Variants in SHOC1 observed in about 807,000 individuals in gnomAD.
The protein encoded by SHOC1 is shortage in chiasmata 1.
A neutral mutation model predicts 179.2 loss-of-function variants in SHOC1; 136 were observed. That is an observed-to-expected ratio of 0.76 (90% CI 0.66 to 0.87). SHOC1 has a LOEUF of 0.87. Among genes scored for constraint, SHOC1 ranks in the 40% least tolerant of loss-of-function variants. SHOC1 has a pLI of 0.00. For missense variants in SHOC1, 1,538 were observed against 1,700.8 expected (o/e 0.90, Z 1.68); for synonymous variants, 489 against 586.6 (o/e 0.83, Z 2.41).
intron 12 of SHOC1, among the ~76,000 whole-genome samples, chr9:111,733,217 C>A (rs1379322945): frequency 1.3e-5 from 2 of 152,118 alleles, no homozygotes; most frequent in Non-Finnish European, 2.9e-5. Flanking sequence ...AAATGTATGG[C>A]TATGGCTTAA....
intron 8 of SHOC1, among the ~76,000 whole-genome samples, chr9:111,749,923 A>G (rs992160592): frequency 3.9e-5 from 6 of 152,150 alleles, no homozygotes; most frequent in Non-Finnish European, 8.8e-5. Context: ...CCAGTCTATC[A>G]TTGATGGGCA....
chr9:111,704,809 T>C (rs1338276096), intron 21 of SHOC1, among the ~76,000 whole-genome samples: 3 of 152,166 alleles, frequency 2.0e-5, no homozygotes, highest in African/African-American at 7.2e-5. Context: ...TTCACGGTCC[T>C]GTTTCCCAGG....
Position 111,723,868 on chromosome 9 carries a change from A to C in SHOC1, c.1878T>G (p.Ile626Met), listed in dbSNP as rs543204449. ...CCTCCAGGGTTTTATTAATATGAAC[A>C]ATAGGACTTTCTTCTTGAAGTGTCA... is the stretch of plus-strand genomic sequence containing the variant. ...CSLTLQEESP[I>M]VHINKTLEEI... is the part of the protein sequence containing the mutation. Residue 626 changes from isoleucine to methionine, a missense_variant, in exon 14 of 28, where the codon ATT becomes ATG. Transcript: ENST00000682961. 8.8e-6 allele frequency: 14 copies of C among 1,586,958 alleles called. No individual in the cohort carries two copies. In the African/African-American group the frequency reaches 1.9e-4, roughly 21 times the overall value.
At chr9:111,765,010 G>A (rs914606966) in intron 5 of SHOC1, among the ~76,000 whole-genome samples, 8 of 151,916 alleles carry the variant, frequency 5.3e-5, no homozygotes, top group African/African-American at 1.5e-4. Flanking sequence ...ACATGGTGGC[G>A]CATGCCTATA....
intron 3 of SHOC1, among the ~76,000 whole-genome samples, 186 bp downstream of exon 3, chr9:111,785,726 C>T (rs1836238740): frequency 6.6e-6 from 1 of 152,088 alleles, no homozygotes; most frequent in Non-Finnish European, 1.5e-5. Flanking sequence ...TATAAGCTTT[C>T]CAATTCCTTA....
intron 2 of SHOC1, among the ~76,000 whole-genome samples, chr9:111,786,250 C>T (rs542582686): frequency 5.1e-4 from 78 of 152,236 alleles, no homozygotes; most frequent in South Asian, 3.9e-3. Flanking sequence ...CTGGCTAACA[C>T]GGTGAAACCC....
At chr9:111,750,650 AG>A (rs1834534213) in intron 8 of SHOC1, among the ~76,000 whole-genome samples, 1 of 152,096 alleles carries the variant, frequency 6.6e-6, no homozygotes, top group African/African-American at 2.4e-5. Context: ...TCTTCTTTTG[AG>A]AAGTGTCTGT....
chr9:111,759,471 A>C, intron 5 of SHOC1: 1 of 1,260,286 alleles, frequency 7.9e-7, no homozygotes, highest in Non-Finnish European at 1.0e-6. Context: ...TCTGGAATAA[A>C]TTTCTCCTCT....
At chr9:111,765,081 C>A (rs954068427) in intron 5 of SHOC1, among the ~76,000 whole-genome samples, 1 of 151,072 alleles carries the variant, frequency 6.6e-6, no homozygotes, top group Admixed American at 6.6e-5. Context: ...GCAGAGGTTG[C>A]TGTGAGCCGA....
At position 111,748,131 on chromosome 9, in the gene SHOC1, T is replaced by C; in HGVS notation, c.931A>G (p.Ile311Val). ...IKFSSTEILT[I>V]QSQSEPEECS... is the part of the protein sequence containing the mutation. Reference sequence around the variant, plus strand: ...TCTTCTGGTTCACTCTGGCTTTGAATGGTCAAAATCTCTGTGGAGCTGAAT... The same window carrying C: ...TCTTCTGGTTCACTCTGGCTTTGAACGGTCAAAATCTCTGTGGAGCTGAAT... The change falls in exon 9 of 28, where the codon ATT becomes GTT. Residue 311 changes from isoleucine to valine, a missense_variant. By Grantham distance (29) the Ile-to-Val change is conservative (BLOSUM62 3). Coordinates refer to ENST00000682961, the MANE Select transcript of SHOC1 (RefSeq NM_001378211.1). 2 of 1,613,890 alleles carry C rather than the reference T, an allele frequency of 1.2e-6. No homozygotes were observed. Among genetic ancestry groups the C allele is most frequent in the East Asian group, 2.2e-5 (1 of 44,830 alleles).
intron 16 of SHOC1, among the ~76,000 whole-genome samples, chr9:111,715,479 C>T (rs145026706): frequency 6.6e-6 from 1 of 152,244 alleles, no homozygotes; most frequent in African/African-American, 2.4e-5. Flanking sequence ...CATCTTCAGA[C>T]CTCCCCCTGA....
intron 14 of SHOC1, 93 bp from the exon 15 acceptor site, chr9:111,722,678 A>G: frequency 2.1e-6 from 2 of 966,178 alleles, no homozygotes; most frequent in South Asian, 3.8e-5. Flanking sequence ...GGAGATCCGA[A>G]CTTCTATCTG....
chr9:111,780,079 A>C (rs569167340), intron 4 of SHOC1, among the ~76,000 whole-genome samples: 5 of 152,228 alleles, frequency 3.3e-5, no homozygotes, highest in African/African-American at 9.6e-5. Flanking sequence ...ATTACCATTT[A>C]ATTCTTGCAT....
chr9:111,705,368 A>G lies in SHOC1; in HGVS notation c.2738-4T>C. 1 of 1,394,014 alleles carries G rather than the reference A, an allele frequency of 7.2e-7. No individual in the cohort carries two copies. The allele number at this position is 1,394,014 out of a possible 1,614,324, so 86.4% of individuals were successfully genotyped here. The stretch of plus-strand genomic sequence containing the variant: ...AATCTATCCAGCAAGGTGCTTCCTA[A>G]ATAAGAGAAAATTTATAAATATTTC... On this transcript the variant is annotated splice_region_variant and splice_polypyrimidine_tract_variant and intron_variant, in intron 20 of 27. Transcript: ENST00000682961.
Position 111,727,961 on chromosome 9 carries a change from A to G in SHOC1, c.1506T>C (p.Ser502=), listed in dbSNP as rs1367722551. Residue 502 remains serine, a synonymous_variant, in exon 13 of 28, where the codon AGT becomes AGC. Transcript: ENST00000682961. ...TNAHLSLPQK[S]PSLAKEVPDL... is the part of the protein sequence containing the mutation. ...CTGGTACTTCTTTTGCCAGAGATGGACTCTTTTGTGGAAGTGATAAATGAG... is the reference window on the plus strand; with the variant it reads ...CTGGTACTTCTTTTGCCAGAGATGGGCTCTTTTGTGGAAGTGATAAATGAG... 1 of 1,613,116 alleles carries G rather than the reference A, an allele frequency of 6.2e-7. No individual in the cohort carries two copies. The highest frequency in any genetic ancestry group is 8.5e-7 in the Non-Finnish European group (1 of 1,179,552).
chr9:111,700,242 A>G (rs568351411), intron 23 of SHOC1, among the ~76,000 whole-genome samples, 195 bp from the exon 24 acceptor site: 8 of 152,166 alleles, frequency 5.3e-5, no homozygotes, highest in African/African-American at 1.4e-4. Flanking sequence ...TTATTTAATA[A>G]TACTGTCAAA....
rs529481515 is a variant in SHOC1, at chr9:111,791,249, A to G, written c.45+125T>C. On this transcript the variant is annotated intron_variant, in intron 2 of 27. Transcript: ENST00000682961. ...ATATTCCAAAATCTGAAAAAAAATC[A>G]GAAATCTGAAATACTTTTGATCCTA... is the stretch of plus-strand genomic sequence containing the variant. 155 of 475,856 alleles carry G rather than the reference A, an allele frequency of 3.3e-4. 2 individuals carry two copies. Among genetic ancestry groups the G allele is most frequent in the African/African-American group, 2.8e-3 (137 of 49,786 alleles). The allele number at this position is 475,856 out of a possible 1,614,324, so 29.5% of individuals were successfully genotyped here.
In SHOC1 at chr9:111,713,082, T is replaced by C; in HGVS notation, c.2488+18A>G. 6.9e-7 allele frequency: 1 copy of C among 1,442,792 alleles called. No individual in the cohort carries two copies. The highest frequency in any genetic ancestry group is 1.2e-5 in the South Asian group (1 of 83,422). The allele number at this position is 1,442,792 out of a possible 1,614,324, so 89.4% of individuals were successfully genotyped here. ...CAAGCATTTGTTATCAAATGAAGCATAATTTAAAACTGCCTACCTTCTATT... is the reference window on the plus strand; with the variant it reads ...CAAGCATTTGTTATCAAATGAAGCACAATTTAAAACTGCCTACCTTCTATT... On this transcript the variant is annotated intron_variant, in intron 18 of 27. Transcript: ENST00000682961.
Position 111,723,888 on chromosome 9 carries a change from G to A in SHOC1, c.1858C>T (p.Leu620Phe), listed in dbSNP as rs968162321. The change falls in exon 14 of 28, where the codon CTT becomes TTT. Residue 620 changes from leucine to phenylalanine, a missense_variant. Physicochemically the swap from Leu to Phe is conservative, Grantham distance 22 (BLOSUM62 0). Transcript: ENST00000682961. ...KHDKEACSLT[L>F]QEESPIVHIN... The stretch of plus-strand genomic sequence containing the variant: ...TGAACAATAGGACTTTCTTCTTGAA[G>A]TGTCAAAGAACATGCTTCTTTATCT... 2 of 1,568,204 alleles carry A rather than the reference G, an allele frequency of 1.3e-6. No homozygotes were observed. Among genetic ancestry groups the A allele is most frequent in the South Asian group, 1.1e-5 (1 of 88,360 alleles).
Sources: allele counts gnomAD v4.1 joint callset (sites outside exome capture counted in the v4.1 genomes callset), GRCh38; gene constraint gnomAD v4.1.1; transcripts MANE v1.5; gene names NCBI Gene and HGNC (gene_info 2026-07-23, HGNC 2026-07-21).